Variants in LUZP2 observed in about 807,000 individuals in gnomAD.
The protein encoded by LUZP2 is leucine zipper protein 2.
In LUZP2, 52 loss-of-function variants were observed where a neutral mutation model predicts 51.6. The observed-to-expected ratio is 1.01, with a 90% confidence interval of 0.81 to 1.27. The LOEUF (loss-of-function observed/expected upper bound fraction) is 1.27. LUZP2 is among the 50% of genes most tolerant of loss of function. LUZP2 has a pLI of 0.00. For synonymous variants in LUZP2, 154 were observed against 137.3 expected, an observed-to-expected ratio of 1.12 and a Z score of -0.85; for missense variants, 436 against 395.4, an observed-to-expected ratio of 1.10 and a Z score of -0.87.
chr11:24,828,191 C>G (rs1850599197), intron 5 of LUZP2, among the ~76,000 whole-genome samples: 1 of 152,014 alleles, frequency 6.6e-6, no homozygotes, highest in Admixed American at 6.6e-5. Context: ...TACCAAAAGG[C>G]CAGAATCTAA....
At chr11:24,914,926 A>G (rs184559984) in intron 7 of LUZP2, among the ~76,000 whole-genome samples, 1 of 152,188 alleles carries the variant, frequency 6.6e-6, no homozygotes, top group South Asian at 2.1e-4. Context: ...ACAATGAGAC[A>G]GTTCAGTAAT....
intron 10 of LUZP2, among the ~76,000 whole-genome samples, chr11:25,076,665 A>AGGAGGGAAGGAG (rs1859314109): frequency 7.4e-6 from 1 of 135,828 alleles, no homozygotes; most frequent in African/African-American, 2.7e-5. Context: ...GAGGGAGGGA[A>AGGAGGGAAGGAG]GGAGGGAGGG....
At chr11:24,793,821 G>A (rs560906632) in intron 5 of LUZP2, among the ~76,000 whole-genome samples, 72 of 152,012 alleles carry the variant, frequency 4.7e-4, no homozygotes, top group African/African-American at 1.7e-3. Flanking sequence ...GCTTTAACAT[G>A]GTTTTGTTAG....
intron 1 of LUZP2, among the ~76,000 whole-genome samples, chr11:24,679,622 A>G (rs540240802): frequency 6.6e-6 from 1 of 152,268 alleles, no homozygotes; most frequent in African/African-American, 2.4e-5. Context: ...ATTAATATTT[A>G]ACTTTTCCAA....
chr11:24,809,662 A>G (rs1312806949), intron 5 of LUZP2, among the ~76,000 whole-genome samples: 1 of 152,154 alleles, frequency 6.6e-6, no homozygotes, highest in Non-Finnish European at 1.5e-5. Flanking sequence ...TTTAAACCCT[A>G]ATTTAAAAAA....
At chr11:24,658,289 A>T (rs936277413) in intron 1 of LUZP2, among the ~76,000 whole-genome samples, 1 of 152,208 alleles carries the variant, frequency 6.6e-6, no homozygotes, top group African/African-American at 2.4e-5. Context: ...CAACTATCTG[A>T]TCTTTGACAA....
intron 1 of LUZP2, among the ~76,000 whole-genome samples, chr11:24,561,361 TATTA>T (rs554674536): frequency 4.4e-4 from 67 of 152,148 alleles, no homozygotes; most frequent in Non-Finnish European, 7.6e-4. Context: ...AGAAATATTT[TATTA>T]ATTATTTTAT....
intron 1 of LUZP2, among the ~76,000 whole-genome samples, chr11:24,510,357 A>G (rs1017639285): frequency 3.9e-5 from 6 of 152,244 alleles, no homozygotes; most frequent in South Asian, 4.1e-4. Flanking sequence ...ATGTTTTGCC[A>G]TATTGGCTTT....
chr11:24,988,989 C>A (rs1856259035), intron 9 of LUZP2, among the ~76,000 whole-genome samples: 1 of 151,276 alleles, frequency 6.6e-6, no homozygotes, highest in Non-Finnish European at 1.5e-5. Flanking sequence ...AATAGGGAGG[C>A]AGCCATAGGA....
intron 1 of LUZP2, among the ~76,000 whole-genome samples, chr11:24,685,185 A>C (rs1235450905): frequency 6.6e-6 from 1 of 152,084 alleles, no homozygotes; most frequent in Admixed American, 6.6e-5. Context: ...TCCTTAACTT[A>C]ACCTTACATA....
intron 5 of LUZP2, among the ~76,000 whole-genome samples, chr11:24,890,061 C>A (rs1426865312): frequency 6.6e-6 from 1 of 152,130 alleles, no homozygotes; most frequent in African/African-American, 2.4e-5. Context: ...TGTTCTCCCC[C>A]ACCCCCATGG....
intron 9 of LUZP2, among the ~76,000 whole-genome samples, chr11:25,018,208 G>A (rs1436967160): frequency 6.6e-6 from 1 of 152,000 alleles, no homozygotes; most frequent in African/African-American, 2.4e-5. Context: ...GTCTTTTGGA[G>A]GCATCTTTAG....
intron 10 of LUZP2, among the ~76,000 whole-genome samples, chr11:25,062,421 T>G (rs1858865123): frequency 8.5e-6 from 1 of 117,208 alleles, no homozygotes; most frequent in Non-Finnish European, 2.0e-5. Context: ...TCTGCCTCTA[T>G]AAAGAATAAA....
intron 5 of LUZP2, among the ~76,000 whole-genome samples, chr11:24,794,208 C>T (rs1225902034): frequency 6.6e-6 from 1 of 152,130 alleles, no homozygotes; most frequent in African/African-American, 2.4e-5. Flanking sequence ...AAACCTTGAC[C>T]AAGCAGAAAA....
At chr11:25,054,208 A>G (rs912345654) in intron 10 of LUZP2, among the ~76,000 whole-genome samples, 1 of 152,172 alleles carries the variant, frequency 6.6e-6, no homozygotes, top group Non-Finnish European at 1.5e-5. Flanking sequence ...ATTATTGATT[A>G]TCAGTCTGTT....
chr11:24,914,965 C>T (rs879650313), intron 7 of LUZP2, among the ~76,000 whole-genome samples: 81 of 152,028 alleles, frequency 5.3e-4, no homozygotes, highest in Non-Finnish European at 1.9e-4. Context: ...ATGTAATATG[C>T]CAGTTGAATA....
chr11:24,591,208 A>G (rs1362064629), intron 1 of LUZP2, among the ~76,000 whole-genome samples: 3 of 152,254 alleles, frequency 2.0e-5, no homozygotes, highest in Non-Finnish European at 4.4e-5. Flanking sequence ...GGAAACATCC[A>G]AGTGGGTAAA....
chr11:24,950,046 C>T (rs574235813), intron 7 of LUZP2, among the ~76,000 whole-genome samples: 35 of 148,490 alleles, frequency 2.4e-4, no homozygotes, highest in Admixed American at 1.0e-3. Flanking sequence ...GGTGGATACC[C>T]ATGATGGATG....
chr11:24,528,227 G>T (rs925153849), intron 1 of LUZP2, among the ~76,000 whole-genome samples: 1 of 150,894 alleles, frequency 6.6e-6, no homozygotes, highest in Non-Finnish European at 1.5e-5. Context: ...ACATTAATAG[G>T]CAATCAACAA....
Sources: gnomAD v4.1 joint callset for allele counts (sites outside exome capture counted in the v4.1 genomes callset) on GRCh38, gnomAD v4.1.1 for gene constraint, MANE v1.5 for transcripts, NCBI Gene and HGNC (gene_info 2026-07-23, HGNC 2026-07-21) for gene names.